The following ABLIM2 variants were observed in gnomAD, a reference collection of about 807,000 sequenced individuals.
The protein encoded by ABLIM2 is actin-binding LIM protein 2.
A neutral mutation model predicts 97.7 loss-of-function variants in ABLIM2; 53 were observed. The ratio of observed to expected loss-of-function variants is 0.54; its 90% CI spans 0.44 to 0.68. ABLIM2 has a LOEUF of 0.68. ABLIM2 is among the 30% of genes least tolerant of loss of function. The pLI is 0.00. For synonymous variants in ABLIM2, 361 were observed against 345.8 expected, an observed-to-expected ratio of 1.04 and a Z score of -0.49; for missense variants, 835 against 867.2, an observed-to-expected ratio of 0.96 and a Z score of 0.47.
intron 20 of ABLIM2, among the ~76,000 whole-genome samples, chr4:7,976,916 CAT>C (rs1553885328): frequency 6.6e-6 from 1 of 151,154 alleles, no homozygotes; most frequent in African/African-American, 2.4e-5. Context: ...TACACACACA[CAT>C]ACACACATAC....
Position 7,986,692 on chromosome 4 carries a change from A to G in ABLIM2, c.1681-1799T>C, listed in dbSNP as rs1744469638. Among the ~76,000 whole-genome samples the G allele has an allele frequency of 6.6e-6, 1 of 151,992 alleles. No homozygotes were observed. The highest frequency in any genetic ancestry group is 1.5e-5 in the Non-Finnish European group (1 of 68,008). On this transcript the variant is annotated intron_variant, in intron 17 of 20. Transcript: ENST00000447017. This position sits in a 1 kb window ranked among gnomAD's most constrained non-coding sequence, Gnocchi z 4.3. ...ACAAAGAATTTCTTTTTTTTCTTTG[A>G]GACAGAGTCTTGCTCTGTCAGCCAA...
At chr4:8,035,072 G>GTGA (rs370984348) in intron 10 of ABLIM2, among the ~76,000 whole-genome samples, 1 of 75,792 alleles carries the variant, frequency 1.3e-5, no homozygotes. Flanking sequence ...GTGCAGGTGA[G>GTGA]TGGGTGGCAG....
chr4:8,114,652 C>T (rs750068101), intron 1 of ABLIM2, among the ~76,000 whole-genome samples: 31 of 152,210 alleles, frequency 2.0e-4, no homozygotes, highest in Non-Finnish European at 8.8e-5. Flanking sequence ...ATTCTCACCA[C>T]GGCCATCACT....
At chr4:8,142,812 C>T (rs1851194976) in intron 1 of ABLIM2, among the ~76,000 whole-genome samples, 1 of 152,224 alleles carries the variant, frequency 6.6e-6, no homozygotes, top group African/African-American at 2.4e-5. Flanking sequence ...CCCTGCCCTC[C>T]CCAAGGACAA....
intron 18 of ABLIM2, 84 bp downstream of exon 18, chr4:7,984,755 G>A: frequency 7.1e-7 from 1 of 1,410,230 alleles, no homozygotes; most frequent in Non-Finnish European, 9.6e-7. Context: ...GGCTGCGGAT[G>A]GGGTGGTTTC....
chr4:8,020,466 T>C (rs1315225204), intron 12 of ABLIM2, 163 bp from the exon 13 acceptor site: 4 of 716,312 alleles, frequency 5.6e-6, no homozygotes, highest in Non-Finnish European at 1.0e-5. Context: ...CTCATCCACG[T>C]TCCCAGACTG....
chr4:8,113,278 A>T lies in ABLIM2; in HGVS notation c.11-6641T>A, dbSNP rs1319915293. On this transcript the variant is annotated intron_variant, in intron 1 of 20. Transcript: ENST00000447017. The surrounding 1 kb of genome is among the most constrained non-coding windows in gnomAD (Gnocchi z 4.5). ...CCCAGCTAATTTTTGTATTTTTTGT[A>T]GACACGGGATGTCGCTATCTTGCTC... 1.3e-5 allele frequency among the ~76,000 whole-genome samples: 2 copies of T among 152,082 alleles called. No individual in the cohort carries two copies. The highest frequency in any genetic ancestry group is 4.8e-5 in the African/African-American group (2 of 41,398).
chr4:8,107,594 T>G (rs1054441750), intron 1 of ABLIM2, among the ~76,000 whole-genome samples: 3 of 152,158 alleles, frequency 2.0e-5, no homozygotes, highest in African/African-American at 7.2e-5. Context: ...AGTGCTGGCC[T>G]GTGAGAGTGA....
In ABLIM2 at chr4:8,127,776, C is replaced by A. The variant is rs1848638298; in HGVS notation, c.11-21139G>T. 1.1e-6 allele frequency: 1 copy of A among 930,564 alleles called. No individual in the cohort carries two copies. The highest frequency in any genetic ancestry group is 6.2e-5 in the Admixed American group (1 of 16,202). The allele number at this position is 930,564 out of a possible 1,614,324, so 57.6% of individuals were successfully genotyped here. On this transcript the variant is annotated intron_variant, in intron 1 of 20. Transcript: ENST00000447017. This position sits in a 1 kb window ranked among gnomAD's most constrained non-coding sequence, Gnocchi z 7.3. ...CCTTCCCGGCACACTGAAATAGACTCCCGCCACACTATGCGCCAGAGACAC... is the reference window on the plus strand; with the variant it reads ...CCTTCCCGGCACACTGAAATAGACTACCGCCACACTATGCGCCAGAGACAC...
chr4:7,975,695 G>A (rs970520598), intron 20 of ABLIM2, among the ~76,000 whole-genome samples: 1 of 152,162 alleles, frequency 6.6e-6, no homozygotes, highest in Non-Finnish European at 1.5e-5. Context: ...ATAGCTAAAA[G>A]TCACGTGGCC....
chr4:8,130,150 G>C lies in ABLIM2; in HGVS notation c.11-23513C>G, dbSNP rs556342394. The stretch of plus-strand genomic sequence containing the variant: ...AGAAAGGCCCTGGTGGTCTCAGCCT[G>C]GAAGGGGAACACTCAAGTCTTGAAG... On this transcript the variant is annotated intron_variant, in intron 1 of 20. Transcript: ENST00000447017. This position sits in a 1 kb window ranked among gnomAD's most constrained non-coding sequence, Gnocchi z 4.2. Among the ~76,000 whole-genome samples the C allele has an allele frequency of 6.6e-6, 1 of 152,314 alleles. No individual in the cohort carries two copies. The highest frequency in any genetic ancestry group is 1.5e-5 in the Non-Finnish European group (1 of 68,028).
chr4:8,102,564 T>G (rs1037626549), intron 2 of ABLIM2, among the ~76,000 whole-genome samples: 5 of 152,186 alleles, frequency 3.3e-5, no homozygotes, highest in Non-Finnish European at 5.9e-5. Context: ...GACTTTTACT[T>G]AGAAAAACTG....
intron 16 of ABLIM2, among the ~76,000 whole-genome samples, chr4:7,997,530 A>G (rs1487299682): frequency 6.6e-6 from 1 of 152,098 alleles, no homozygotes; most frequent in Non-Finnish European, 1.5e-5. Flanking sequence ...TCTGTCTTCA[A>G]GTTCATGGAT....
intron 2 of ABLIM2, among the ~76,000 whole-genome samples, chr4:8,100,879 T>C (rs1204798118): frequency 3.9e-5 from 6 of 151,972 alleles, no homozygotes; most frequent in African/African-American, 1.2e-4. Context: ...CTGTGGGGCA[T>C]GCATTGGAAG....
At chr4:8,086,880 A>C (rs1177327932) in intron 4 of ABLIM2, among the ~76,000 whole-genome samples, 2 of 151,170 alleles carry the variant, frequency 1.3e-5, no homozygotes, top group Non-Finnish European at 2.9e-5. Flanking sequence ...GAAATTTTTG[A>C]ATGGAGGACT....
At chr4:7,989,754 C>G (rs1233425394) in intron 17 of ABLIM2, among the ~76,000 whole-genome samples, 6 of 152,208 alleles carry the variant, frequency 3.9e-5, no homozygotes, top group Non-Finnish European at 8.8e-5. Flanking sequence ...AGCTCAGTCT[C>G]TTCACATTTG....
chr4:8,050,006 G>A (rs1794971058), intron 8 of ABLIM2, among the ~76,000 whole-genome samples: 1 of 152,194 alleles, frequency 6.6e-6, no homozygotes, highest in South Asian at 2.1e-4. Context: ...AGGATTACAG[G>A]TGTGAGCCAC....
In ABLIM2 at chr4:8,046,555, C is replaced by A. The variant is rs921830763; in HGVS notation, c.823-1314G>T. On this transcript the variant is annotated intron_variant, in intron 8 of 20. Transcript: ENST00000447017. This position sits in a 1 kb window ranked among gnomAD's most constrained non-coding sequence, Gnocchi z 4.4. ...CGATGGTTTCCCACCCCGACCACAG[C>A]CCCCACTGCAGCTCCCTCCTCTCAT... 1.3e-5 allele frequency among the ~76,000 whole-genome samples: 2 copies of A among 152,148 alleles called. No homozygotes were observed. The highest frequency in any genetic ancestry group is 2.9e-5 in the Non-Finnish European group (2 of 68,032).
intron 2 of ABLIM2, among the ~76,000 whole-genome samples, chr4:8,101,409 G>C (rs772529402): frequency 6.6e-6 from 1 of 152,238 alleles, no homozygotes; most frequent in Non-Finnish European, 1.5e-5. Flanking sequence ...CCTGTCTAGA[G>C]CTTCCCTTTG....
Sources: gnomAD v4.1 joint callset for allele counts (sites outside exome capture counted in the v4.1 genomes callset) on GRCh38, gnomAD v4.1.1 for gene constraint, Gnocchi (gnomAD v3.1) non-coding constraint, MANE v1.5 for transcripts, NCBI Gene and HGNC (gene_info 2026-07-23, HGNC 2026-07-21) for gene names.